The following TENM4 variants were observed in gnomAD, a reference collection of about 807,000 sequenced individuals.
TENM4 encodes teneurin-4.
Under a neutral mutation model 243.3 loss-of-function variants are expected in TENM4, and 82 were observed. That is an observed-to-expected ratio of 0.34 (90% CI 0.28 to 0.40). The LOEUF (loss-of-function observed/expected upper bound fraction) is 0.40. Ranked by LOEUF, TENM4 falls within the 10% of genes least tolerant of loss-of-function variation. The pLI is 1.00. For synonymous variants in TENM4, 1,412 were observed against 1,456.3 expected, an observed-to-expected ratio of 0.97 and a Z score of 0.69; for missense variants, 3,138 against 3,673.3, an observed-to-expected ratio of 0.85 and a Z score of 3.77.
At chr11:78,668,097 CT>C (rs5792811) in intron 32 of TENM4, among the ~76,000 whole-genome samples, 1,791 of 152,320 alleles carry the variant, frequency 0.012, 37 homozygotes, top group African/African-American at 0.04. Context: ...GAGCCAGGCA[CT>C]GCGCTAAGTA....
At chr11:79,350,994 C>T (rs941380864) in intron 1 of TENM4, among the ~76,000 whole-genome samples, 2 of 152,100 alleles carry the variant, frequency 1.3e-5, no homozygotes, top group Admixed American at 6.5e-5. Context: ...TTCCTACTCG[C>T]CTCCTTGCTT....
At chr11:79,049,011 G>A (rs955254361) in intron 6 of TENM4, among the ~76,000 whole-genome samples, 1 of 152,170 alleles carries the variant, frequency 6.6e-6, no homozygotes, top group Non-Finnish European at 1.5e-5. Context: ...ACCCAGAAGA[G>A]TCCTCAGCAC....
At chr11:78,884,465 C>A (rs1199393867) in intron 9 of TENM4, among the ~76,000 whole-genome samples, 2 of 152,012 alleles carry the variant, frequency 1.3e-5, no homozygotes, top group African/African-American at 4.8e-5. Flanking sequence ...CAGCCCAGGG[C>A]TATTATATAG....
At position 78,670,076 on chromosome 11, in the gene TENM4, C is replaced by T. The variant is rs376915445; in HGVS notation, c.6269G>A (p.Arg2090Gln). Residue 2090 changes from arginine to glutamine, a missense_variant, in exon 32 of 34, where the codon CGG (arginine) becomes CAG (glutamine). By Grantham distance (43) the Arg-to-Gln change is conservative (BLOSUM62 1). Transcript: ENST00000278550. ...GATCACAGCCTGCATGCTGGTCACC[C>T]GGAAGCTGTTGTCATAGTTGTAGTC... The part of the protein sequence containing the change: ...RFDYNYDNSF[R>Q]VTSMQAVINE... 2.9e-5 allele frequency: 47 copies of T among 1,613,808 alleles called. No homozygotes were observed. The highest frequency in any genetic ancestry group is 4.0e-5 in the African/African-American group (3 of 74,894).
intron 1 of TENM4, among the ~76,000 whole-genome samples, chr11:79,344,794 T>C (rs528827639): frequency 7.0e-4 from 107 of 152,182 alleles, no homozygotes; most frequent in Non-Finnish European, 1.4e-3. Context: ...CTACCTAAAT[T>C]GCCAAGACAA....
chr11:79,392,803 C>T (rs552387210), intron 1 of TENM4, among the ~76,000 whole-genome samples: 1 of 152,316 alleles, frequency 6.6e-6, no homozygotes, highest in South Asian at 2.1e-4. Flanking sequence ...TCTTGGGCTG[C>T]TTCAGTCACC....
Position 78,688,251 on chromosome 11 carries a change from G to A in TENM4, c.5088-25C>T, listed in dbSNP as rs746198874. 3 of 1,603,772 alleles carry A rather than the reference G, an allele frequency of 1.9e-6. No individual in the cohort carries two copies. The South Asian group carries it at 3.4e-5, about 18-fold the overall frequency. On this transcript the variant is annotated intron_variant, in intron 28 of 33. Transcript: ENST00000278550. ...CCTGGAAACCAAGGGGTGGCACTGA[G>A]TAGTAGAAATATAATGGTGCTCTAG...
intron 12 of TENM4, among the ~76,000 whole-genome samples, chr11:78,817,693 T>C (rs1317855327): frequency 6.6e-6 from 1 of 152,362 alleles, no homozygotes; most frequent in East Asian, 1.9e-4. Context: ...ACTGGGCTAA[T>C]TGTACAATTG....
intron 23 of TENM4, among the ~76,000 whole-genome samples, chr11:78,723,982 T>G (rs1435236300): frequency 6.6e-6 from 1 of 151,666 alleles, no homozygotes; most frequent in Non-Finnish European, 1.5e-5. Context: ...CTTTCTTTCT[T>G]TTCTTTTTCT....
intron 9 of TENM4, among the ~76,000 whole-genome samples, chr11:78,865,581 T>C (rs1453562204): frequency 6.6e-6 from 1 of 152,158 alleles, no homozygotes; most frequent in Non-Finnish European, 1.5e-5. Context: ...GTGTCACTGA[T>C]GGTGGTTTTG....
intron 19 of TENM4, among the ~76,000 whole-genome samples, chr11:78,751,538 G>GT (rs1455482448): frequency 1.3e-5 from 2 of 152,186 alleles, no homozygotes; most frequent in Non-Finnish European, 2.9e-5. Context: ...CTGGGTGGTT[G>GT]TAATACTGTG....
chr11:79,258,308 A>T (rs747999339), intron 2 of TENM4, among the ~76,000 whole-genome samples: 1 of 152,206 alleles, frequency 6.6e-6, no homozygotes, highest in Admixed American at 6.5e-5. Flanking sequence ...GAATTAATGC[A>T]TCTCCACACT....
chr11:79,410,044 G>GA (rs1003336797), intron 1 of TENM4, among the ~76,000 whole-genome samples: 14 of 151,592 alleles, frequency 9.2e-5, no homozygotes, highest in South Asian at 6.5e-4. Flanking sequence ...TGATGATCTA[G>GA]AAAAAAAATA....
chr11:79,088,260 G>A (rs1198770238), intron 4 of TENM4, among the ~76,000 whole-genome samples: 1 of 152,176 alleles, frequency 6.6e-6, no homozygotes, highest in African/African-American at 2.4e-5. Flanking sequence ...CCTGGCCTCT[G>A]CTGGCCGGCA....
chr11:78,725,760 T>C (rs1855495872), intron 23 of TENM4, among the ~76,000 whole-genome samples: 1 of 152,176 alleles, frequency 6.6e-6, no homozygotes, highest in Admixed American at 6.5e-5. Flanking sequence ...CTGGGTGAGG[T>C]GCTCTTCTTC....
At chr11:78,951,835 ATGG>A (rs1857114393) in intron 6 of TENM4, among the ~76,000 whole-genome samples, 2 of 152,202 alleles carry the variant, frequency 1.3e-5, no homozygotes, top group Admixed American at 6.5e-5. Context: ...GTGAATGTTG[ATGG>A]TGAACACAAT....
At chr11:79,259,701 CCATG>C (rs1255081429) in intron 2 of TENM4, among the ~76,000 whole-genome samples, 1 of 135,954 alleles carries the variant, frequency 7.4e-6, no homozygotes, top group Non-Finnish European at 1.6e-5. Flanking sequence ...ATCCATCCAT[CCATG>C]CACACCCATC....
rs968620501 is a variant in TENM4, at chr11:79,005,031, C to T, written c.493+59707G>A. ...ACTAAGTAGGAATTGATAAATTCCT[C>T]AAAACATACAATGTCCCCAGATTGA... is the stretch of plus-strand genomic sequence containing the variant. On this transcript the variant is annotated intron_variant, in intron 6 of 33. Transcript: ENST00000278550. 1.0e-4 allele frequency among the ~76,000 whole-genome samples: 15 copies of T among 148,918 alleles called. 1 individual carries two copies. The highest frequency in any genetic ancestry group is 7.3e-4 in the Admixed American group (11 of 14,966).
At chr11:78,815,010 T>C (rs1250781032) in intron 12 of TENM4, among the ~76,000 whole-genome samples, 1 of 152,150 alleles carries the variant, frequency 6.6e-6, no homozygotes, top group African/African-American at 2.4e-5. Context: ...ACAAATCTGA[T>C]CCTATCACTC....
Sources: gnomAD v4.1 joint callset for allele counts (sites outside exome capture counted in the v4.1 genomes callset) on GRCh38, gnomAD v4.1.1 for gene constraint, MANE v1.5 for transcripts, NCBI Gene and HGNC (gene_info 2026-07-23, HGNC 2026-07-21) for gene names.